Variants in SDK1 observed in about 807,000 individuals in gnomAD.
SDK1 encodes sidekick cell adhesion molecule 1.
Under a neutral mutation model 245.5 loss-of-function variants are expected in SDK1, and 157 were observed. That is an observed-to-expected ratio of 0.64 (90% CI 0.56 to 0.73). The LOEUF (loss-of-function observed/expected upper bound fraction) is 0.73. Among genes scored for constraint, SDK1 ranks in the 30% least tolerant of loss-of-function variants. The pLI, the probability that SDK1 is intolerant of heterozygous loss-of-function variation, is 0.00. For missense variants in SDK1, 3,583 were observed against 3,002.3 expected (o/e 1.19, Z -4.52); for synonymous variants, 1,647 against 1,278.5 (o/e 1.29, Z -6.15).
At position 4,266,603 on chromosome 7, in the gene SDK1, G is replaced by A; in HGVS notation, c.*1219G>A. On this transcript the variant is annotated 3_prime_UTR_variant, in exon 45 of 45. Coordinates refer to ENST00000404826, the MANE Select transcript of SDK1 (RefSeq NM_152744.4). ...TTTTATTTAAAATTGTCATTGTTTGGTTTAAATTTTTCAGCTAGATGAAAA... is the reference window on the plus strand; with the variant it reads ...TTTTATTTAAAATTGTCATTGTTTGATTTAAATTTTTCAGCTAGATGAAAA... 5 of 985,294 alleles carry A rather than the reference G, an allele frequency of 5.1e-6. No homozygotes were observed. The highest frequency in any genetic ancestry group is 6.0e-6 in the Non-Finnish European group (5 of 829,866). The allele number at this position is 985,294 out of a possible 1,614,324, so 61.0% of individuals were successfully genotyped here.
intron 1 of SDK1, among the ~76,000 whole-genome samples, chr7:3,493,714 CTTGTG>C (rs923594862): frequency 6.6e-6 from 1 of 152,204 alleles, no homozygotes; most frequent in Non-Finnish European, 1.5e-5. Context: ...AAGAATTATT[CTTGTG>C]TTAACTCACA....
intron 1 of SDK1, among the ~76,000 whole-genome samples, chr7:3,588,440 G>A (rs1346324832): frequency 6.6e-6 from 1 of 152,132 alleles, no homozygotes; most frequent in African/African-American, 2.4e-5. Context: ...CAAAGTTTCT[G>A]GTTCAGAAAA....
intron 4 of SDK1, among the ~76,000 whole-genome samples, chr7:3,711,513 G>A (rs1018044698): frequency 6.6e-6 from 1 of 152,210 alleles, no homozygotes; most frequent in African/African-American, 2.4e-5. Context: ...GGGTGATCGG[G>A]AAGGCTGCTC....
At chr7:3,338,159 C>G (rs2128553336) in intron 1 of SDK1, 1 of 230,668 alleles carries the variant, frequency 4.3e-6, no homozygotes, top group Admixed American at 4.5e-5. Flanking sequence ...GGAGAGGCAC[C>G]TGGTATGTTC....
At chr7:4,168,946 C>T (rs561162185) in intron 32 of SDK1, among the ~76,000 whole-genome samples, 10 of 152,338 alleles carry the variant, frequency 6.6e-5, no homozygotes, top group Non-Finnish European at 7.3e-5. Context: ...AAGGACAGGA[C>T]TCCCAGCAGG....
chr7:3,865,627 G>A (rs905035954), intron 5 of SDK1, among the ~76,000 whole-genome samples: 1 of 151,996 alleles, frequency 6.6e-6, no homozygotes, highest in Admixed American at 6.5e-5. Flanking sequence ...TCCCACCTCA[G>A]CCCCTCAAGT....
At chr7:3,632,662 A>G (rs937552336) in intron 2 of SDK1, among the ~76,000 whole-genome samples, 23 of 152,220 alleles carry the variant, frequency 1.5e-4, no homozygotes, top group Admixed American at 8.5e-4. Context: ...TTCCCTTTGT[A>G]TAGCTTCCAT....
At chr7:3,545,039 G>A (rs189599976) in intron 1 of SDK1, among the ~76,000 whole-genome samples, 383 of 152,276 alleles carry the variant, frequency 2.5e-3, no homozygotes, top group Non-Finnish European at 4.6e-3. Flanking sequence ...GAGGGGGCAG[G>A]AGAGTGTGCT....
At chr7:4,139,893 G>A (rs1256709219) in intron 28 of SDK1, among the ~76,000 whole-genome samples, 2 of 152,148 alleles carry the variant, frequency 1.3e-5, no homozygotes, top group Non-Finnish European at 2.9e-5. Context: ...GACTCAGGCA[G>A]GGAGAGTCCA....
At chr7:3,813,601 C>A (rs201579942) in intron 4 of SDK1, among the ~76,000 whole-genome samples, 17,668 of 143,550 alleles carry the variant, frequency 0.12, 1,257 homozygotes, top group Middle Eastern at 0.29. Flanking sequence ...CAGCAGCATG[C>A]TTTATAGTCA....
intron 17 of SDK1, among the ~76,000 whole-genome samples, chr7:4,043,776 C>T (rs1290922687): frequency 6.6e-6 from 1 of 152,078 alleles, no homozygotes; most frequent in Non-Finnish European, 1.5e-5. Context: ...AATTTAACAA[C>T]ATTTGATATT....
chr7:3,562,472 A>C (rs1369681524), intron 1 of SDK1, among the ~76,000 whole-genome samples: 2 of 152,088 alleles, frequency 1.3e-5, no homozygotes. Context: ...AGAGGGATGC[A>C]TGGGTGCTAA....
intron 30 of SDK1, among the ~76,000 whole-genome samples, chr7:4,157,790 A>G (rs535871806): frequency 6.6e-6 from 1 of 152,220 alleles, no homozygotes; most frequent in East Asian, 1.9e-4. Flanking sequence ...TGTGAGTTCA[A>G]AGGGGTTGCA....
chr7:3,938,413 C>T (rs148741546), intron 5 of SDK1, among the ~76,000 whole-genome samples: 5 of 151,950 alleles, frequency 3.3e-5, no homozygotes, highest in South Asian at 2.1e-4. Flanking sequence ...GAGGCCGAGG[C>T]GGGAGGATCA....
At chr7:3,302,087 G>C (rs569110545) in intron 1 of SDK1, 1 of 262,182 alleles carries the variant, frequency 3.8e-6, no homozygotes, top group African/African-American at 2.3e-5. Flanking sequence ...CCTGCACCCC[G>C]TCTGCTACTT....
chr7:3,517,679 A>G (rs1040287177), intron 1 of SDK1, among the ~76,000 whole-genome samples: 1 of 152,016 alleles, frequency 6.6e-6, no homozygotes, highest in Admixed American at 6.6e-5. Context: ...GATGCCCACC[A>G]TTGTTCTGCT....
chr7:3,352,775 TC>T (rs889727717), intron 1 of SDK1, among the ~76,000 whole-genome samples: 22 of 152,240 alleles, frequency 1.4e-4, no homozygotes, highest in African/African-American at 5.1e-4. Context: ...CCTTTTTTTT[TC>T]TCTTCTCTTT....
At chr7:4,069,311 T>C (rs76753870) in intron 20 of SDK1, among the ~76,000 whole-genome samples, 29 of 152,302 alleles carry the variant, frequency 1.9e-4, no homozygotes, top group South Asian at 4.1e-4. Flanking sequence ...CTGTTTTTTT[T>C]CTAAACATTA....
intron 4 of SDK1, among the ~76,000 whole-genome samples, chr7:3,659,264 C>T (rs542963380): frequency 2.6e-5 from 4 of 151,956 alleles, no homozygotes; most frequent in Admixed American, 2.6e-4. Flanking sequence ...TGTCAGCTGC[C>T]CTGGTCGGTA....
Sources: allele counts gnomAD v4.1 joint callset (sites outside exome capture counted in the v4.1 genomes callset), GRCh38; gene constraint gnomAD v4.1.1; transcripts MANE v1.5; gene names NCBI Gene and HGNC (gene_info 2026-07-23, HGNC 2026-07-21).